Variants in ABCA1 observed in about 807,000 individuals in gnomAD.
The protein encoded by ABCA1 is ATP binding cassette subfamily A member 1.
A neutral mutation model predicts 262.5 loss-of-function variants in ABCA1; 133 were observed. That is an observed-to-expected ratio of 0.51 (90% CI 0.44 to 0.59). ABCA1 has a LOEUF of 0.59. Ranked by LOEUF, ABCA1 falls within the 20% of genes least tolerant of loss-of-function variation. The pLI is 0.00. For synonymous variants in ABCA1, 1,022 were observed against 1,043.5 expected, an observed-to-expected ratio of 0.98 and a Z score of 0.40; for missense variants, 2,452 against 2,777.5, an observed-to-expected ratio of 0.88 and a Z score of 2.63.
At position 104,892,107 on chromosome 9, in the gene ABCA1, T is replaced by G. The variant is rs143395086; in HGVS notation, c.67-2912A>C. ...TACCATAAAACTATCAAGAATAGTT[T>G]GCATAGACGGCACAACAGAATGAAA... On this transcript the variant is annotated intron_variant, in intron 2 of 49. Transcript: ENST00000374736. Among the ~76,000 whole-genome samples, 812 of 152,124 alleles carry G rather than the reference T, an allele frequency of 5.3e-3. 2 individuals carry two copies. The highest frequency in any genetic ancestry group is 7.8e-3 in the Non-Finnish European group (531 of 68,002).
At position 104,893,692 on chromosome 9, in the gene ABCA1, G is replaced by C. The variant is rs372524122; in HGVS notation, c.67-4497C>G. On this transcript the variant is annotated intron_variant, in intron 2 of 49. Coordinates refer to ENST00000374736, the MANE Select transcript of ABCA1 (RefSeq NM_005502.4). Reference sequence around the variant, plus strand: ...CATTATTGTCTTGATTTTATATGTAGCAAGGCTAAGGCTGGAGGAAGGGTA... The same window carrying C: ...CATTATTGTCTTGATTTTATATGTACCAAGGCTAAGGCTGGAGGAAGGGTA... Among the ~76,000 whole-genome samples, 13 of 152,222 alleles carry C rather than the reference G, an allele frequency of 8.5e-5. No homozygotes were observed. In the East Asian group the frequency reaches 2.3e-3, roughly 27 times the overall value.
Position 104,786,934 on chromosome 9 carries a change from A to G in ABCA1, c.6247T>C (p.Leu2083=). ...TGMDPKARRF[L]WNCALSVVKE... is the part of the protein sequence containing the mutation. ...ACAACACTTAGGGCACAATTCCACA[A>G]GAACCGCCGGGCTTTGGGATCCATG... The change falls in exon 47 of 50, where the codon TTG becomes CTG. Residue 2083 remains leucine, a synonymous_variant. Coordinates refer to ENST00000374736, the MANE Select transcript of ABCA1 (RefSeq NM_005502.4). The G allele has an allele frequency of 1.2e-6, 2 of 1,614,070 alleles. No homozygotes were observed. The highest frequency in any genetic ancestry group is 1.7e-6 in the Non-Finnish European group (2 of 1,179,986).
intron 1 of ABCA1, among the ~76,000 whole-genome samples, chr9:104,915,068 A>G (rs1841763387): frequency 6.6e-6 from 1 of 152,228 alleles, no homozygotes; most frequent in East Asian, 1.9e-4. Context: ...AGATAGGCTC[A>G]AGTCAGGAAC....
rs1588287765 is a variant in ABCA1 at position 104,817,478 on chromosome 9, G to A, written c.3463-74C>T. On this transcript the variant is annotated intron_variant, in intron 23 of 49. Coordinates refer to ENST00000374736, the MANE Select transcript of ABCA1 (RefSeq NM_005502.4). The surrounding 1 kb of genome is among the most constrained non-coding windows in gnomAD (Gnocchi z 4.7). ...GAGCCACCAGCACCTTCGCCGGGGAGGGCTTCCAAGAAGCTCTGTTGTGTG... is the reference window on the plus strand; with the variant it reads ...GAGCCACCAGCACCTTCGCCGGGGAAGGCTTCCAAGAAGCTCTGTTGTGTG... 6.7e-7 allele frequency: 1 copy of A among 1,503,346 alleles called. No homozygotes were observed. Among genetic ancestry groups the A allele is most frequent in the Non-Finnish European group, 9.2e-7 (1 of 1,083,058 alleles). The allele number at this position is 1,503,346 out of a possible 1,614,324, so 93.1% of individuals were successfully genotyped here.
chr9:104,909,370 T>C (rs965853278), intron 1 of ABCA1, among the ~76,000 whole-genome samples: 2 of 151,844 alleles, frequency 1.3e-5, no homozygotes, highest in Non-Finnish European at 2.9e-5. Flanking sequence ...TGGGTGGTGG[T>C]GGTAGGATTG....
intron 35 of ABCA1, 31 bp downstream of exon 35, chr9:104,800,479 A>G (rs1314848041): frequency 3.1e-6 from 5 of 1,596,030 alleles, no homozygotes; most frequent in Admixed American, 1.7e-5. Flanking sequence ...TTGTTCATCA[A>G]AAAGCTACTA....
At chr9:104,902,031 C>G (rs574315427) in intron 2 of ABCA1, among the ~76,000 whole-genome samples, 3 of 152,266 alleles carry the variant, frequency 2.0e-5, no homozygotes, top group African/African-American at 7.2e-5. Flanking sequence ...AGTCCCTGTT[C>G]TCTCACTAGA....
At position 104,883,017 on chromosome 9, in the gene ABCA1, TGCAGA is replaced by T; in HGVS notation, c.421+17_421+21del. 1 of 1,578,796 alleles carries T rather than the reference TGCAGA, an allele frequency of 6.3e-7. No individual in the cohort carries two copies. Among genetic ancestry groups the T allele is most frequent in the Non-Finnish European group, 8.7e-7 (1 of 1,147,750 alleles). On this transcript the variant is annotated intron_variant, in intron 5 of 49. Coordinates refer to ENST00000374736, the MANE Select transcript of ABCA1 (RefSeq NM_005502.4). ...AGGTCAATTTCCAATTATAAACGGA[TGCAGA>T]GAAGGTTTTTACTTACTTGAGCTGG...
rs759444632 is a variant in ABCA1, at chr9:104,812,740, T to C, written c.3902-18A>G. 1 of 1,614,220 alleles carries C rather than the reference T, an allele frequency of 6.2e-7. No homozygotes were observed. The highest frequency in any genetic ancestry group is 1.6e-4 in the Middle Eastern group (1 of 6,062). On this transcript the variant is annotated intron_variant, in intron 27 of 49. Transcript: ENST00000374736. ...TCTGGATTCTGCAAGAAGCCAACAC[T>C]GAAGGTCACCTATTATCTTAGGTGT...
chr9:104,790,071 G>A (rs1241854428), intron 44 of ABCA1, among the ~76,000 whole-genome samples: 1 of 151,170 alleles, frequency 6.6e-6, no homozygotes, highest in Non-Finnish European at 1.5e-5. Context: ...TCTCCAGCCT[G>A]GGCAGTAAGA....
intron 42 of ABCA1, 108 bp from the exon 43 acceptor site, chr9:104,792,106 G>T (rs1829476977): frequency 1.0e-6 from 1 of 992,158 alleles, no homozygotes. Flanking sequence ...CATAAGACTT[G>T]TCAATAACCC....
intron 5 of ABCA1, among the ~76,000 whole-genome samples, chr9:104,873,858 G>C (rs542072598): frequency 2.1e-4 from 32 of 152,332 alleles, no homozygotes; most frequent in Admixed American, 1.8e-3. Flanking sequence ...CTGAGGCACA[G>C]AGATGTATGG....
In ABCA1 at chr9:104,810,797, T is replaced by C; in HGVS notation, c.4175+3A>G. The C allele has an allele frequency of 1.2e-6, 2 of 1,614,196 alleles. No homozygotes were observed. Among genetic ancestry groups the C allele is most frequent in the South Asian group, 1.1e-5 (1 of 91,084 alleles). The stretch of plus-strand genomic sequence containing the variant: ...CCTCCTGGGATGTAGAAGACAAACA[T>C]ACCTGACAAATGTGTACTGTTCGTT... On this transcript the variant is annotated splice_donor_region_variant and intron_variant, in intron 29 of 49. Coordinates refer to ENST00000374736, the MANE Select transcript of ABCA1 (RefSeq NM_005502.4).
chr9:104,834,524 G>A (rs1833626135), intron 11 of ABCA1, among the ~76,000 whole-genome samples: 1 of 149,242 alleles, frequency 6.7e-6, no homozygotes, highest in Non-Finnish European at 1.5e-5. Context: ...AAGAGACGCA[G>A]CCTTTAGGGT....
In ABCA1 at chr9:104,788,587, T is replaced by G; in HGVS notation, c.5928-20A>C. 1 of 1,613,940 alleles carries G rather than the reference T, an allele frequency of 6.2e-7. No homozygotes were observed. The highest frequency in any genetic ancestry group is 8.5e-7 in the Non-Finnish European group (1 of 1,179,910). Reference sequence around the variant, plus strand: ...AAGATACTGCAAAGGACAAGAAAACTACTTAGATTTTAAGCAGGTAGAGAT... The same window carrying G: ...AAGATACTGCAAAGGACAAGAAAACGACTTAGATTTTAAGCAGGTAGAGAT... On this transcript the variant is annotated intron_variant, in intron 44 of 49. Transcript: ENST00000374736.
At chr9:104,844,234 G>A (rs1036288520) in intron 8 of ABCA1, among the ~76,000 whole-genome samples, 4 of 151,980 alleles carry the variant, frequency 2.6e-5, no homozygotes, top group African/African-American at 9.7e-5. Flanking sequence ...AATAGCTACG[G>A]ACTTGCAAAA....
chr9:104,812,927 C>T (rs1040675512), intron 27 of ABCA1, among the ~76,000 whole-genome samples: 1 of 152,234 alleles, frequency 6.6e-6, no homozygotes, highest in Non-Finnish European at 1.5e-5. Flanking sequence ...CTCTGCCTTT[C>T]AGTCCTTGTC....
intron 5 of ABCA1, among the ~76,000 whole-genome samples, chr9:104,871,901 A>G (rs1443201109): frequency 6.6e-6 from 1 of 152,170 alleles, no homozygotes; most frequent in African/African-American, 2.4e-5. Context: ...ACCACACAAC[A>G]TGGGACTAGA....
At chr9:104,922,461 A>G (rs1293607311) in intron 1 of ABCA1, among the ~76,000 whole-genome samples, 1 of 152,174 alleles carries the variant, frequency 6.6e-6, no homozygotes, top group African/African-American at 2.4e-5. Flanking sequence ...TCCACTACTT[A>G]CGAACTCCAT....
Sources: gnomAD v4.1 joint callset for allele counts (sites outside exome capture counted in the v4.1 genomes callset) on GRCh38, gnomAD v4.1.1 for gene constraint, Gnocchi (gnomAD v3.1) non-coding constraint, MANE v1.5 for transcripts, NCBI Gene and HGNC (gene_info 2026-07-23, HGNC 2026-07-21) for gene names.